TEX15: variants seen among roughly 807,000 people sequenced by gnomAD.
TEX15 encodes the protein testis-expressed protein 15.
In TEX15, 171 loss-of-function variants were observed where a neutral mutation model predicts 237.3. The ratio of observed to expected loss-of-function variants is 0.72; its 90% CI spans 0.64 to 0.82. The LOEUF (loss-of-function observed/expected upper bound fraction) is 0.82. Among genes scored for constraint, TEX15 ranks in the 40% least tolerant of loss-of-function variants. The pLI is 0.00. For missense variants in TEX15, 3,750 were observed against 3,646.5 expected (o/e 1.03, Z -0.73); for synonymous variants, 1,338 against 1,269.8 (o/e 1.05, Z -1.14).
intron 1 of TEX15, among the ~76,000 whole-genome samples, chr8:30,911,172 T>G (rs1243137881): frequency 1.3e-5 from 2 of 152,136 alleles, no homozygotes; most frequent in Non-Finnish European, 2.9e-5. Context: ...CGGGCTGGAG[T>G]GCAGTGGTGC....
intron 6 of TEX15, 122 bp from the exon 7 acceptor site, chr8:30,858,952 C>T (rs1252873334): frequency 4.7e-6 from 3 of 643,082 alleles, no homozygotes; most frequent in Non-Finnish European, 4.7e-6. Flanking sequence ...ACTTCTCCAG[C>T]TGCCTTGTTT....
At chr8:30,889,954 C>CATATATATATATATATATACACATAT in intron 2 of TEX15, among the ~76,000 whole-genome samples, 33 of 110,086 alleles carry the variant, frequency 3.0e-4, no homozygotes, top group African/African-American at 1.2e-3. Context: ...TATATATATA[C>CATATATATATATATATATACACATAT]ATATATATAT....
rs568626042 is a variant in TEX15 at position 30,874,583 on chromosome 8, A to G, written c.302+354T>C. On this transcript the variant is annotated intron_variant, in intron 4 of 10. Coordinates refer to ENST00000643185, the MANE Select transcript of TEX15 (RefSeq NM_001350162.2). ...TCTCTTAAGGGCTGGGTTCAAGAGT[A>G]AAAAGAAGTTACTTTTTGATTACTT... Among the ~76,000 whole-genome samples the G allele has an allele frequency of 2.0e-5, 3 of 152,282 alleles. No individual in the cohort carries two copies. The South Asian group carries it at 6.2e-4, about 32-fold the overall frequency.
chr8:30,905,707 GGC>G (rs1809089277), intron 1 of TEX15, among the ~76,000 whole-genome samples: 1 of 140,034 alleles, frequency 7.1e-6, no homozygotes, highest in Admixed American at 7.3e-5. Flanking sequence ...TGGGCAACAT[GGC>G]GAAAACCTGT....
Position 30,847,296 on chromosome 8 carries a change from A to G in TEX15, c.2871T>C (p.Thr957=), listed in dbSNP as rs538036979. 6.2e-7 allele frequency: 1 copy of G among 1,613,984 alleles called. No homozygotes were observed. The highest frequency in any genetic ancestry group is 8.5e-7 in the Non-Finnish European group (1 of 1,179,884). ...SAVKQKDTEN[T]GRSVEHLAST... The stretch of plus-strand genomic sequence containing the variant: ...AAGCCAAATGCTCTACACTTCTTCC[A>G]GTATTTTCAGTATCTTTTTGTTTCA... Residue 957 remains threonine (T), a synonymous_variant, in exon 8 of 11, where the codon ACT becomes ACC. Transcript: ENST00000643185.
At chr8:30,889,831 C>A (rs144034762) in intron 2 of TEX15, among the ~76,000 whole-genome samples, 2 of 150,690 alleles carry the variant, frequency 1.3e-5, no homozygotes, top group East Asian at 3.9e-4. Context: ...TATGCTCATG[C>A]AACACAGACC....
intron 2 of TEX15, among the ~76,000 whole-genome samples, 152 bp from the exon 3 acceptor site, chr8:30,887,463 C>T (rs16877476): frequency 0.14 from 21,003 of 151,890 alleles, 2,534 homozygotes; most frequent in African/African-American, 0.32. Context: ...TGCCAGTTGC[C>T]CAAAAAAGAA....
rs765640728 is a variant in TEX15 at position 30,860,075 on chromosome 8, A to C, written c.541-18T>G. 7.5e-7 allele frequency: 1 copy of C among 1,334,808 alleles called. No individual in the cohort carries two copies. The highest frequency in any genetic ancestry group is 1.7e-5 in the South Asian group (1 of 60,452). 82.7% of individuals were successfully genotyped at this position (1,334,808 alleles called of 1,614,324 possible). ...AAGAGAACCTAAAAAAAAAAAAGCC[A>C]AAAAAAAAGTACGTAAAAATATACC... is the stretch of plus-strand genomic sequence containing the variant. On this transcript the variant is annotated intron_variant, in intron 5 of 10. Coordinates refer to ENST00000643185, the MANE Select transcript of TEX15 (RefSeq NM_001350162.2).
intron 2 of TEX15, among the ~76,000 whole-genome samples, chr8:30,891,532 T>C (rs1264724314): frequency 1.3e-5 from 2 of 150,996 alleles, no homozygotes; most frequent in African/African-American, 2.4e-5. Flanking sequence ...TGGGCTGGAG[T>C]GAAGTGGCGT....
chr8:30,849,041 C>G lies in TEX15; in HGVS notation c.1126G>C (p.Ala376Pro). Residue 376 changes from alanine to proline, a missense_variant, in exon 8 of 11, where the codon GCA becomes CCA. By Grantham distance (27) the Ala-to-Pro change is conservative. Transcript: ENST00000643185. ...AEIRDTSQVL[A>P]HDSDISLMPS... is the part of the protein sequence containing the mutation. ...ATAAGTGAAATGTCTGAATCATGTG[C>G]AAGTACTTGAGAAGTGTCTCTAATT... The G allele has an allele frequency of 1.2e-6, 2 of 1,614,152 alleles. No homozygotes were observed. Among genetic ancestry groups the G allele is most frequent in the Non-Finnish European group, 1.7e-6 (2 of 1,180,028 alleles).
intron 3 of TEX15, among the ~76,000 whole-genome samples, chr8:30,880,924 C>CA (rs1808506193): frequency 1.3e-5 from 2 of 149,016 alleles, no homozygotes; most frequent in South Asian, 4.3e-4. Context: ...GTTTTCCTTT[C>CA]TTTTTTTTTT....
intron 7 of TEX15, among the ~76,000 whole-genome samples, chr8:30,849,684 T>C (rs1014800839): frequency 1.1e-4 from 17 of 152,044 alleles, no homozygotes; most frequent in African/African-American, 4.1e-4. Context: ...GGACAGATCA[T>C]GAGGTCAGGA....
intron 2 of TEX15, among the ~76,000 whole-genome samples, chr8:30,896,894 C>T (rs1808916455): frequency 6.6e-6 from 1 of 152,002 alleles, no homozygotes; most frequent in African/African-American, 2.4e-5. Context: ...GCAATTTTTT[C>T]CCCCAATGCA....
rs1807653385 is a variant in TEX15, at chr8:30,847,668, C to T, written c.2499G>A (p.Arg833=). 6.2e-7 allele frequency: 1 copy of T among 1,613,772 alleles called. No homozygotes were observed. The highest frequency in any genetic ancestry group is 8.5e-7 in the Non-Finnish European group (1 of 1,179,864). The change falls in exon 8 of 11, where the codon AGG becomes AGA. Residue 833 remains arginine, a synonymous_variant. Coordinates refer to ENST00000643185, the MANE Select transcript of TEX15 (RefSeq NM_001350162.2). ...DYKETAYVED[R]GQDHNLFCNS... ...TACAGAACAGATTGTGATCCTGACC[C>T]CTATCTTCAACATAAGCAGTTTCTT...
chr8:30,905,582 T>C (rs1809086564), intron 1 of TEX15, among the ~76,000 whole-genome samples: 1 of 151,996 alleles, frequency 6.6e-6, no homozygotes, highest in East Asian at 1.9e-4. Context: ...GATAATATTT[T>C]TGGTGGCAGT....
chr8:30,846,927 G>C lies in TEX15; in HGVS notation c.3240C>G (p.Ser1080Arg). The C allele has an allele frequency of 1.2e-6, 2 of 1,613,546 alleles. No individual in the cohort carries two copies. The highest frequency in any genetic ancestry group is 1.7e-6 in the Non-Finnish European group (2 of 1,179,650). ...DAFIFQQDTHSHENMLCEEFV... is the reference protein window; with the variant it reads ...DAFIFQQDTHRHENMLCEEFV... ...ATTCTTCACAAAGCATGTTTTCATGGCTATGTGTATCTTGTTGAAATATAA... is the reference window on the plus strand; with the variant it reads ...ATTCTTCACAAAGCATGTTTTCATGCCTATGTGTATCTTGTTGAAATATAA... Residue 1080 changes from serine to arginine, a missense_variant, in exon 8 of 11, where the codon AGC becomes AGG. Ser to Arg is a moderately radical substitution (Grantham distance 110). Coordinates refer to ENST00000643185, the MANE Select transcript of TEX15 (RefSeq NM_001350162.2).
intron 3 of TEX15, among the ~76,000 whole-genome samples, chr8:30,881,825 G>C (rs1342907547): frequency 6.6e-6 from 1 of 151,828 alleles, no homozygotes; most frequent in Non-Finnish European, 1.5e-5. Flanking sequence ...GTTTCACTGT[G>C]TTGCCCAGGC....
chr8:30,903,913 G>T (rs1809049760), intron 1 of TEX15, among the ~76,000 whole-genome samples: 1 of 152,196 alleles, frequency 6.6e-6, no homozygotes, highest in Admixed American at 6.5e-5. Context: ...GATGAGGACA[G>T]ATCAATCATG....
In TEX15 at chr8:30,832,375, AAAACAGG is replaced by A. The variant is rs1807202015; in HGVS notation, c.*904_*910del. 1 of 152,240 alleles carries A rather than the reference AAAACAGG, an allele frequency of 6.6e-6. No individual in the cohort carries two copies. The highest frequency in any genetic ancestry group is 2.4e-5 in the African/African-American group (1 of 41,464). 9.4% of individuals were successfully genotyped at this position (152,240 alleles called of 1,614,324 possible). A position where few individuals can be genotyped will look rare whatever the true frequency, so the allele number is the denominator to read the frequency against. On this transcript the variant is annotated 3_prime_UTR_variant, in exon 11 of 11. Transcript: ENST00000643185. ...GCTCTGTCTGACTAGGATCTTACAGAAAACAGGAATAGCTGTTGAGCAAGAAAGGTAA... is the reference window on the plus strand; with the variant it reads ...GCTCTGTCTGACTAGGATCTTACAGAAATAGCTGTTGAGCAAGAAAGGTAA...
Sources: allele counts gnomAD v4.1 joint callset (sites outside exome capture counted in the v4.1 genomes callset), GRCh38; gene constraint gnomAD v4.1.1; transcripts MANE v1.5; gene names NCBI Gene and HGNC (gene_info 2026-07-23, HGNC 2026-07-21).